The following FBXO11 variants were observed in gnomAD, a reference collection of about 807,000 sequenced individuals.
FBXO11 encodes F-box only protein 11.
Under a neutral mutation model 117.0 loss-of-function variants are expected in FBXO11, and 13 were observed. That is an observed-to-expected ratio of 0.11 (90% CI 0.07 to 0.18). The LOEUF (loss-of-function observed/expected upper bound fraction) is 0.18. Among genes scored for constraint, FBXO11 ranks in the 10% least tolerant of loss-of-function variants. FBXO11 has a pLI of 1.00. For synonymous variants in FBXO11, 490 were observed against 380.5 expected (o/e 1.29, Z -3.35); for missense variants, 767 against 1,164.4 (o/e 0.66, Z 4.97).
At chr2:47,811,718 C>G (rs1314355394) in intron 18 of FBXO11, 1 of 152,152 alleles carries the variant, frequency 6.6e-6, no homozygotes, top group African/African-American at 2.4e-5. Flanking sequence ...CCTGAGCACC[C>G]ATCATATTTC....
At chr2:47,810,075 A>G (rs1431477104) in intron 19 of FBXO11, 2 of 502,528 alleles carry the variant, frequency 4.0e-6, no homozygotes, top group African/African-American at 2.0e-5. Flanking sequence ...CATTTATTCT[A>G]TCCCAATAAA....
At chr2:47,838,051 C>A (rs1239034084) in intron 4 of FBXO11, among the ~76,000 whole-genome samples, 2 of 132,726 alleles carry the variant, frequency 1.5e-5, no homozygotes, top group Non-Finnish European at 3.1e-5. Context: ...CAGAGTGAGA[C>A]CCTTTGTCTC....
chr2:47,844,740 T>C (rs375967548), intron 1 of FBXO11, among the ~76,000 whole-genome samples: 40 of 152,192 alleles, frequency 2.6e-4, no homozygotes, highest in African/African-American at 9.1e-4. Context: ...CAACCTCCGT[T>C]TCCCTGGCTC....
At chr2:47,884,238 AT>A (rs1322179631) in intron 1 of FBXO11, among the ~76,000 whole-genome samples, 1 of 152,128 alleles carries the variant, frequency 6.6e-6, no homozygotes, top group Non-Finnish European at 1.5e-5. Flanking sequence ...ATAAATAAAA[AT>A]TATTTAAAAA....
At chr2:47,831,297 T>C (rs1672165558) in intron 11 of FBXO11, among the ~76,000 whole-genome samples, 2 of 151,668 alleles carry the variant, frequency 1.3e-5, no homozygotes, top group Admixed American at 6.6e-5. Flanking sequence ...ATGCCTGTAA[T>C]CCCAGCTACT....
chr2:47,823,112 G>C, intron 12 of FBXO11, 31 bp downstream of exon 12: 19 of 1,502,050 alleles, frequency 1.3e-5, no homozygotes, highest in Non-Finnish European at 1.7e-5. Context: ...AAGTGAAAAA[G>C]TAATTTTCAC....
chr2:47,874,856 T>C (rs898334827), intron 1 of FBXO11, among the ~76,000 whole-genome samples: 22 of 149,982 alleles, frequency 1.5e-4, no homozygotes, highest in Admixed American at 1.1e-3. Context: ...TTAAAAAACA[T>C]TGTCTCAGGA....
At chr2:47,810,028 TGAATC>T (rs1397352077) in intron 19 of FBXO11, 6 of 491,102 alleles carry the variant, frequency 1.2e-5, no homozygotes, top group African/African-American at 9.9e-5. Flanking sequence ...TCTGAGGAAT[TGAATC>T]TATCTGTATT....
intron 1 of FBXO11, among the ~76,000 whole-genome samples, chr2:47,891,032 C>T (rs1410255527): frequency 6.6e-6 from 1 of 151,268 alleles, no homozygotes; most frequent in African/African-American, 2.4e-5. Context: ...CTATGTTGCT[C>T]AGACTAGTAT....
rs544082105 is a variant in FBXO11, at chr2:47,839,130, T to C, written c.443-127A>G. 35 of 898,032 alleles carry C rather than the reference T, an allele frequency of 3.9e-5. No homozygotes were observed. In the East Asian group the frequency reaches 8.9e-4, roughly 23 times the overall value. The allele number at this position is 898,032 out of a possible 1,614,324, so 55.6% of individuals were successfully genotyped here. A position where few individuals can be genotyped will look rare whatever the true frequency, so the allele number is the denominator to read the frequency against. ...GGATAATGGTCATTTTATAAGCATG[T>C]GGGTTTCATGGGTAACACATATTTA... On this transcript the variant is annotated intron_variant, in intron 3 of 22. Transcript: ENST00000403359.
Position 47,834,814 on chromosome 2 carries a change from T to G in FBXO11, c.775A>C (p.Arg259=). The G allele has an allele frequency of 6.2e-7, 1 of 1,613,462 alleles. No homozygotes were observed. Among genetic ancestry groups the G allele is most frequent in the Non-Finnish European group, 8.5e-7 (1 of 1,179,758 alleles). The change falls in exon 6 of 23, where the codon AGA becomes CGA. Residue 259 remains arginine, a synonymous_variant. Coordinates refer to ENST00000403359, the MANE Select transcript of FBXO11 (RefSeq NM_001190274.2). The part of the protein sequence containing the change: ...FAEHFYSNPA[R]YKGRENMLYY... ...AACATATTTTCTCTTCCTTTATATCTTGCAGGGTTACTGTAGAAATGTTCA... is the reference window on the plus strand; with the variant it reads ...AACATATTTTCTCTTCCTTTATATCGTGCAGGGTTACTGTAGAAATGTTCA...
rs183571348 is a variant in FBXO11, at chr2:47,834,773, A to C, written c.801+15T>G. ...GATTACCATTTTAAGTCATAAAAAT[A>C]AAAATCAAACATACCAACATATTTT... On this transcript the variant is annotated intron_variant, in intron 6 of 22. Coordinates refer to ENST00000403359, the MANE Select transcript of FBXO11 (RefSeq NM_001190274.2). 7 of 1,609,002 alleles carry C rather than the reference A, an allele frequency of 4.4e-6. No individual in the cohort carries two copies. Among genetic ancestry groups the C allele is most frequent in the Non-Finnish European group, 4.2e-6 (5 of 1,177,934 alleles).
At chr2:47,814,561 T>C (rs1409728220) in intron 16 of FBXO11, among the ~76,000 whole-genome samples, 1 of 152,056 alleles carries the variant, frequency 6.6e-6, no homozygotes, top group Non-Finnish European at 1.5e-5. Flanking sequence ...GTATTTTTTG[T>C]AGAGATGGAG....
chr2:47,835,367 C>T (rs961210413), intron 5 of FBXO11, among the ~76,000 whole-genome samples: 1 of 152,200 alleles, frequency 6.6e-6, no homozygotes, highest in Non-Finnish European at 1.5e-5. Flanking sequence ...TTCAAACAGA[C>T]CCATTGAAAT....
chr2:47,855,986 G>A (rs950188008), intron 1 of FBXO11, among the ~76,000 whole-genome samples: 9 of 151,810 alleles, frequency 5.9e-5, no homozygotes, highest in Non-Finnish European at 8.8e-5. Context: ...GGGTGCACAC[G>A]TGCAGTTCCA....
At chr2:47,840,774 G>A (rs1672955353) in intron 1 of FBXO11, among the ~76,000 whole-genome samples, 2 of 151,256 alleles carry the variant, frequency 1.3e-5, no homozygotes, top group Admixed American at 1.3e-4. Flanking sequence ...ACTCCAGCCT[G>A]GGTGACAGAG....
In FBXO11 at chr2:47,807,152, T is replaced by G. The variant is rs984015897; in HGVS notation, c.*966A>C. The G allele has an allele frequency of 3.0e-6, 1 of 338,320 alleles. No homozygotes were observed. The highest frequency in any genetic ancestry group is 2.1e-5 in the African/African-American group (1 of 47,316). The allele number at this position is 338,320 out of a possible 1,614,324, so 21.0% of individuals were successfully genotyped here. On this transcript the variant is annotated 3_prime_UTR_variant, in exon 23 of 23. Coordinates refer to ENST00000403359, the MANE Select transcript of FBXO11 (RefSeq NM_001190274.2). The stretch of plus-strand genomic sequence containing the variant: ...AGCTATGAAACTGTATAGGGCTGTA[T>G]ATATACTTGTCTCAGCTTAATGCAG...
intron 1 of FBXO11, among the ~76,000 whole-genome samples, chr2:47,896,796 T>C (rs1453006195): frequency 6.6e-6 from 1 of 152,234 alleles, no homozygotes; most frequent in Non-Finnish European, 1.5e-5. Context: ...CTTTTATGTA[T>C]TGCTGACCTT....
intron 11 of FBXO11, among the ~76,000 whole-genome samples, chr2:47,827,339 G>A (rs1051073494): frequency 6.6e-6 from 1 of 152,068 alleles, no homozygotes; most frequent in Non-Finnish European, 1.5e-5. Context: ...GAGACAGAGT[G>A]TCTGTCGCCC....
Sources: allele counts gnomAD v4.1 joint callset (sites outside exome capture counted in the v4.1 genomes callset), GRCh38; gene constraint gnomAD v4.1.1; transcripts MANE v1.5; gene names NCBI Gene and HGNC (gene_info 2026-07-23, HGNC 2026-07-21).